ABCA12: variants seen among roughly 807,000 people sequenced by gnomAD.
ABCA12 encodes glucosylceramide transporter ABCA12.
In ABCA12, 156 loss-of-function variants were observed where a neutral mutation model predicts 293.5. The ratio of observed to expected loss-of-function variants is 0.53; its 90% CI spans 0.47 to 0.61. ABCA12 has a LOEUF of 0.61. ABCA12 is among the 20% of genes least tolerant of loss of function. The probability of loss-of-function intolerance (pLI) is 0.00; values close to 1 mark genes in which losing one functional copy is unlikely to be tolerated. For missense variants in ABCA12, 2,797 were observed against 3,090.2 expected, an observed-to-expected ratio of 0.91 and a Z score of 2.25; for synonymous variants, 1,063 against 1,108.0, an observed-to-expected ratio of 0.96 and a Z score of 0.81.
At chr2:215,035,520 G>A (rs956368197) in intron 8 of ABCA12, among the ~76,000 whole-genome samples, 3 of 151,824 alleles carry the variant, frequency 2.0e-5, no homozygotes, top group African/African-American at 7.3e-5. Flanking sequence ...ATACAAAAAA[G>A]TAGCCGGGCG....
At chr2:215,015,777 G>C in intron 14 of ABCA12, 114 bp from the exon 15 acceptor site, 7 of 893,526 alleles carry the variant, frequency 7.8e-6, no homozygotes, top group Non-Finnish European at 1.2e-5. Flanking sequence ...AGGTCCTCAA[G>C]AATCAAACAA....
At chr2:214,987,395 C>T (rs1699811605) in intron 27 of ABCA12, among the ~76,000 whole-genome samples, 1 of 152,018 alleles carries the variant, frequency 6.6e-6, no homozygotes, top group South Asian at 2.1e-4. Flanking sequence ...CTGTGTGAGT[C>T]TAACTGGACC....
intron 2 of ABCA12, among the ~76,000 whole-genome samples, chr2:215,090,163 C>T (rs1416070157): frequency 6.6e-6 from 1 of 152,158 alleles, no homozygotes; most frequent in Non-Finnish European, 1.5e-5. Context: ...CACTATCTAC[C>T]CAAATCCTAT....
intron 22 of ABCA12, chr2:214,999,780 C>A: frequency 1.0e-6 from 1 of 984,604 alleles, no homozygotes; most frequent in Non-Finnish European, 1.2e-6. Context: ...ACTTGATGGA[C>A]TCCTTACCTG....
At chr2:215,085,455 A>G (rs1017508592) in intron 2 of ABCA12, 4 of 152,196 alleles carry the variant, frequency 2.6e-5, no homozygotes, top group African/African-American at 9.7e-5. Context: ...AGACAACAAC[A>G]TCTACCTCAG....
intron 50 of ABCA12, among the ~76,000 whole-genome samples, chr2:214,938,120 A>G (rs1339291954): frequency 2.6e-5 from 2 of 77,472 alleles, no homozygotes; most frequent in Admixed American, 3.0e-4. Context: ...CCCACCCCCC[A>G]ACAGACCCTG....
At chr2:215,124,119 G>A (rs148948481) in intron 1 of ABCA12, among the ~76,000 whole-genome samples, 3,586 of 152,204 alleles carry the variant, frequency 0.024, 76 homozygotes, top group Non-Finnish European at 0.036. Flanking sequence ...TTATGGCTGC[G>A]TAGTATTCCA....
chr2:214,952,928 A>G (rs943414302), intron 44 of ABCA12, among the ~76,000 whole-genome samples: 1 of 152,056 alleles, frequency 6.6e-6, no homozygotes, highest in Non-Finnish European at 1.5e-5. Context: ...TTAACATTGT[A>G]TTTTTCAATA....
At chr2:215,068,385 G>T (rs1701674565) in intron 2 of ABCA12, among the ~76,000 whole-genome samples, 1 of 152,118 alleles carries the variant, frequency 6.6e-6, no homozygotes, top group Admixed American at 6.6e-5. Flanking sequence ...TGCAATTATA[G>T]TATGAAAGCA....
At chr2:215,045,640 C>T (rs990360851) in intron 7 of ABCA12, among the ~76,000 whole-genome samples, 197 bp downstream of exon 7, 2 of 152,172 alleles carry the variant, frequency 1.3e-5, no homozygotes, top group Non-Finnish European at 2.9e-5. Flanking sequence ...CTTCCATAAC[C>T]TTGATGACCA....
chr2:215,013,086 A>G (rs1319297654), intron 15 of ABCA12: 1 of 152,132 alleles, frequency 6.6e-6, no homozygotes, highest in South Asian at 2.1e-4. Flanking sequence ...CTGTGTTCCC[A>G]GCACTGGGTG....
At chr2:215,011,875 T>C in intron 16 of ABCA12, 96 bp downstream of exon 16, 1 of 1,381,522 alleles carries the variant, frequency 7.2e-7, no homozygotes, top group Non-Finnish European at 1.0e-6. Context: ...GTTTTTTTTT[T>C]TTTCAATGTA....
chr2:215,026,873 G>A lies in ABCA12; in HGVS notation c.1127C>T (p.Pro376Leu). 6.2e-7 allele frequency: 1 copy of A among 1,613,724 alleles called. No individual in the cohort carries two copies. The highest frequency in any genetic ancestry group is 1.1e-5 in the South Asian group (1 of 91,066). The change falls in exon 10 of 53, where the codon CCT (proline) becomes CTT (leucine). Residue 376 changes from proline (P) to leucine (L), a missense_variant. Coordinates refer to ENST00000272895, the MANE Select transcript of ABCA12 (RefSeq NM_173076.3). ...LNISANSPYIPYLACVRNVTD... is the reference protein window; with the variant it reads ...LNISANSPYILYLACVRNVTD... The stretch of plus-strand genomic sequence containing the variant: ...CACATTTCTCACACATGCCAAGTAA[G>A]GAATATAAGGACTATTTGCTGATAT...
chr2:215,000,156 T>C (rs982172002), intron 22 of ABCA12, among the ~76,000 whole-genome samples: 16 of 152,214 alleles, frequency 1.1e-4, no homozygotes, highest in African/African-American at 3.9e-4. Context: ...AGAAAAACCA[T>C]TTTAGATATA....
At chr2:215,092,285 A>G (rs1442225720) in intron 2 of ABCA12, among the ~76,000 whole-genome samples, 1 of 151,984 alleles carries the variant, frequency 6.6e-6, no homozygotes, top group Non-Finnish European at 1.5e-5. Context: ...TCTGGTGCCA[A>G]TTTGGACAAT....
intron 2 of ABCA12, among the ~76,000 whole-genome samples, chr2:215,101,578 A>G (rs1446117271): frequency 6.6e-6 from 1 of 152,210 alleles, no homozygotes; most frequent in Non-Finnish European, 1.5e-5. Flanking sequence ...TGATTTCTGT[A>G]TTATTTGCTC....
intron 33 of ABCA12, among the ~76,000 whole-genome samples, chr2:214,977,798 G>C (rs896374057): frequency 2.6e-5 from 4 of 151,678 alleles, no homozygotes; most frequent in Admixed American, 6.6e-5. Context: ...CAGTTTCTCA[G>C]CACCTGAAAG....
At chr2:215,108,924 C>A (rs1345124713) in intron 2 of ABCA12, among the ~76,000 whole-genome samples, 3 of 151,892 alleles carry the variant, frequency 2.0e-5, no homozygotes, top group Non-Finnish European at 4.4e-5. Context: ...AAAAATTAGC[C>A]AGGTGTGGTG....
Position 214,934,179 on chromosome 2 carries a change from C to T in ABCA12, c.7579G>A (p.Val2527Ile), listed in dbSNP as rs59069848. 2 of 1,613,642 alleles carry T rather than the reference C, an allele frequency of 1.2e-6. No homozygotes were observed. The highest frequency in any genetic ancestry group is 1.7e-6 in the Non-Finnish European group (2 of 1,179,810). Reference sequence around the variant, plus strand: ...ATGTTTGCGACTCCTCCTGCTGTGACTGGTACATGATACTCTAGCATGCTG... The same window carrying T: ...ATGTTTGCGACTCCTCCTGCTGTGATTGGTACATGATACTCTAGCATGCTG... ...HLSMLEYHVP[V>I]TAGGVANIFD... is the part of the protein sequence containing the mutation. Residue 2527 changes from valine (V) to isoleucine (I), a missense_variant, in exon 52 of 53, where the codon GTC becomes ATC. Transcript: ENST00000272895.
Sources: allele counts gnomAD v4.1 joint callset (sites outside exome capture counted in the v4.1 genomes callset), GRCh38; gene constraint gnomAD v4.1.1; transcripts MANE v1.5; gene names NCBI Gene and HGNC (gene_info 2026-07-23, HGNC 2026-07-21).